PTPRM: variants seen among roughly 807,000 people sequenced by gnomAD.
PTPRM encodes the protein protein tyrosine phosphatase receptor type M.
Under a neutral mutation model 186.7 loss-of-function variants are expected in PTPRM, and 47 were observed. The ratio of observed to expected loss-of-function variants is 0.25; its 90% CI spans 0.20 to 0.32. The LOEUF (loss-of-function observed/expected upper bound fraction) is 0.32. Among genes scored for constraint, PTPRM ranks in the 10% least tolerant of loss-of-function variants. The probability of loss-of-function intolerance (pLI) is 1.00; values close to 1 mark genes in which losing one functional copy is unlikely to be tolerated. For synonymous variants in PTPRM, 668 were observed against 674.9 expected (o/e 0.99, Z 0.16); for missense variants, 1,494 against 1,865.0 (o/e 0.80, Z 3.66).
intron 7 of PTPRM, among the ~76,000 whole-genome samples, chr18:8,021,171 T>A (rs1002249036): frequency 1.3e-5 from 2 of 152,180 alleles, no homozygotes; most frequent in African/African-American, 4.8e-5. Flanking sequence ...ATACTCTGTG[T>A]ACTTGGCGAC....
rs561671724 is a variant in PTPRM at position 8,043,967 on chromosome 18, G to A, written c.1133-25719G>A. Among the ~76,000 whole-genome samples the A allele has an allele frequency of 3.0e-4, 46 of 152,260 alleles. 2 individuals carry two copies. The South Asian group carries it at 6.2e-3, about 21-fold the overall frequency. ...AAGTTTCTACTCTTTGGCAGAGACCGGGCTTCTGCACCCTCTAAGACTGGG... is the reference window on the plus strand; with the variant it reads ...AAGTTTCTACTCTTTGGCAGAGACCAGGCTTCTGCACCCTCTAAGACTGGG... On this transcript the variant is annotated intron_variant, in intron 7 of 32. Coordinates refer to ENST00000580170, the MANE Select transcript of PTPRM (RefSeq NM_001105244.2).
chr18:8,102,022 TG>T (rs1332209806), intron 11 of PTPRM, among the ~76,000 whole-genome samples: 1 of 152,220 alleles, frequency 6.6e-6, no homozygotes, highest in Non-Finnish European at 1.5e-5. Context: ...ACACATTTTT[TG>T]TTTCCTAGTG....
Position 7,725,519 on chromosome 18 carries a change from C to G in PTPRM, c.74-48630C>G, listed in dbSNP as rs566394244. 2.0e-4 allele frequency among the ~76,000 whole-genome samples: 31 copies of G among 151,324 alleles called. 1 individual carries two copies. The highest frequency in any genetic ancestry group is 7.1e-4 in the African/African-American group (29 of 40,694). ...CTCCTGTTTTCTGCTCCAATGTTGC[C>G]TTTTCCAAAACCACCCATGGCCCTG... is the stretch of plus-strand genomic sequence containing the variant. On this transcript the variant is annotated intron_variant, in intron 1 of 32. Coordinates refer to ENST00000580170, the MANE Select transcript of PTPRM (RefSeq NM_001105244.2).
chr18:8,382,315 G>A (rs2095742332), intron 29 of PTPRM, among the ~76,000 whole-genome samples: 2 of 152,174 alleles, frequency 1.3e-5, no homozygotes, highest in Non-Finnish European at 1.5e-5. Context: ...TTTGGTGTAA[G>A]TGGCAAGCTT....
chr18:7,697,296 G>A (rs563449159), intron 1 of PTPRM, among the ~76,000 whole-genome samples: 17 of 152,218 alleles, frequency 1.1e-4, no homozygotes, highest in Non-Finnish European at 2.2e-4. Context: ...TGCATACCTC[G>A]GTACCTGGTT....
intron 4 of PTPRM, among the ~76,000 whole-genome samples, chr18:7,911,404 A>T (rs770411876): frequency 6.6e-6 from 1 of 152,168 alleles, no homozygotes; most frequent in Non-Finnish European, 1.5e-5. Flanking sequence ...GCAAATATTT[A>T]TGTCTTTAAA....
chr18:8,311,189 A>C (rs1418829140), intron 20 of PTPRM, among the ~76,000 whole-genome samples: 1 of 152,008 alleles, frequency 6.6e-6, no homozygotes, highest in Non-Finnish European at 1.5e-5. Flanking sequence ...TGTGCCTGTA[A>C]TCCCAGCTAC....
chr18:7,591,426 A>G (rs1567971428), intron 1 of PTPRM, among the ~76,000 whole-genome samples: 1 of 152,150 alleles, frequency 6.6e-6, no homozygotes, highest in Non-Finnish European at 1.5e-5. Flanking sequence ...AGTCTGGGCC[A>G]CTAATTGATA....
At chr18:7,965,157 T>G (rs1273948150) in intron 7 of PTPRM, among the ~76,000 whole-genome samples, 2 of 151,924 alleles carry the variant, frequency 1.3e-5, no homozygotes, top group Non-Finnish European at 2.9e-5. Flanking sequence ...GCGATTCTTC[T>G]GTGTCAGCCC....
rs553390954 is a variant in PTPRM at position 7,902,564 on chromosome 18, G to C, written c.469-3941G>C. 2.6e-5 allele frequency among the ~76,000 whole-genome samples: 4 copies of C among 152,270 alleles called. No individual in the cohort carries two copies. In the East Asian group the frequency reaches 5.8e-4, roughly 22 times the overall value. ...CCCATTGCTATGAGCTGTGTTTATT[G>C]AATCTGTCATTTGGCCATTGCTATC... On this transcript the variant is annotated intron_variant, in intron 3 of 32. Coordinates refer to ENST00000580170, the MANE Select transcript of PTPRM (RefSeq NM_001105244.2).
intron 7 of PTPRM, among the ~76,000 whole-genome samples, chr18:8,029,565 TC>T (rs2085817695): frequency 6.6e-6 from 1 of 152,178 alleles, no homozygotes; most frequent in South Asian, 2.1e-4. Context: ...GCCACCATCC[TC>T]CCACATCCCC....
rs377629879 is a variant in PTPRM, at chr18:8,013,997, TA to T, written c.1133-55686del. On this transcript the variant is annotated intron_variant, in intron 7 of 32. Transcript: ENST00000580170. ...CATCCCGAAACTCAAGATTTCATCA[TA>T]AACAACAAATTCAAGTTAAAATGAA... Among the ~76,000 whole-genome samples, 329 of 152,306 alleles carry T rather than the reference TA, an allele frequency of 2.2e-3. 1 individual carries two copies. The highest frequency in any genetic ancestry group is 7.7e-3 in the African/African-American group (321 of 41,584).
chr18:7,954,579 T>C (rs1410235158), intron 6 of PTPRM, among the ~76,000 whole-genome samples: 2 of 152,220 alleles, frequency 1.3e-5, no homozygotes, highest in Non-Finnish European at 2.9e-5. Flanking sequence ...ATACCTTTGA[T>C]GATTTTGAAG....
At chr18:7,709,380 A>G (rs780616281) in intron 1 of PTPRM, among the ~76,000 whole-genome samples, 3 of 152,186 alleles carry the variant, frequency 2.0e-5, no homozygotes, top group Non-Finnish European at 4.4e-5. Flanking sequence ...GACACAACTT[A>G]TCAAAACCTC....
intron 1 of PTPRM, among the ~76,000 whole-genome samples, chr18:7,739,176 G>T (rs77990144): frequency 0.054 from 8,206 of 152,060 alleles, 577 homozygotes; most frequent in African/African-American, 0.15. Flanking sequence ...ACCTCATGAG[G>T]CATCCATTTA....
intron 14 of PTPRM, among the ~76,000 whole-genome samples, chr18:8,172,123 C>G (rs2093410378): frequency 1.3e-5 from 2 of 152,112 alleles, no homozygotes; most frequent in African/African-American, 2.4e-5. Flanking sequence ...ATACCCGATA[C>G]TGAGCAGTTT....
chr18:7,995,416 A>T (rs997267848), intron 7 of PTPRM, among the ~76,000 whole-genome samples: 5 of 152,178 alleles, frequency 3.3e-5, no homozygotes, highest in African/African-American at 1.2e-4. Flanking sequence ...ATTCTTCCTA[A>T]CTCATTGTAA....
intron 11 of PTPRM, among the ~76,000 whole-genome samples, chr18:8,112,035 G>T (rs552400193): frequency 6.6e-6 from 1 of 152,232 alleles, no homozygotes; most frequent in South Asian, 2.1e-4. Flanking sequence ...CTTTACTACT[G>T]TATGAATGAT....
In PTPRM at chr18:8,384,589, G is replaced by T; in HGVS notation, c.3947G>T (p.Gly1316Val). The change falls in exon 30 of 33, where the codon GGA becomes GTA. Residue 1316 changes from glycine to valine, a missense_variant. Around this residue, in one of 3 missense-constraint regions of PTPRM, gnomAD observed 1,107 missense variants for 1,350.2 expected, o/e 0.82. Coordinates refer to ENST00000580170, the MANE Select transcript of PTPRM (RefSeq NM_001105244.2). ...QLCPQYWPENGVHRHGPIQVE... is the reference protein window; with the variant it reads ...QLCPQYWPENVVHRHGPIQVE... The stretch of plus-strand genomic sequence containing the variant: ...TGTCCACAGTACTGGCCAGAAAACG[G>T]AGTACACAGACACGGCCCCATCCAG... 1 of 1,614,210 alleles carries T rather than the reference G, an allele frequency of 6.2e-7. No homozygotes were observed. Among genetic ancestry groups the T allele is most frequent in the South Asian group, 1.1e-5 (1 of 91,084 alleles).
Sources: gnomAD v4.1 joint callset for allele counts (sites outside exome capture counted in the v4.1 genomes callset) on GRCh38, gnomAD v4.1.1 for gene constraint, gnomAD v4.1.1 regional missense constraint, MANE v1.5 for transcripts, NCBI Gene and HGNC (gene_info 2026-07-23, HGNC 2026-07-21) for gene names.